The following FAM9A variants were observed in gnomAD, a reference collection of about 807,000 sequenced individuals.
The protein encoded by FAM9A is protein FAM9A.
A neutral mutation model predicts 25.0 loss-of-function variants in FAM9A; 49 were observed. The ratio of observed to expected loss-of-function variants is 1.96; its 90% CI spans 1.56 to 2.48. FAM9A has a LOEUF of 2.48. Among genes scored for constraint, FAM9A ranks in the 30% most tolerant of loss-of-function variants. The pLI, the probability that FAM9A is intolerant of heterozygous loss-of-function variation, is 0.00. For synonymous variants in FAM9A, 80 were observed against 85.1 expected, an observed-to-expected ratio of 0.94 and a Z score of 0.33; for missense variants, 266 against 249.3, an observed-to-expected ratio of 1.07 and a Z score of -0.45.
In FAM9A at chrX:8,795,394, C is replaced by T. The variant is rs757736241; in HGVS notation, c.515G>A (p.Arg172Gln). ...KRQKRDYRHT[R>Q]KLLNVLKEYI... The stretch of plus-strand genomic sequence containing the variant: ...TTCTTTAAGGACATTCAGCAACTTC[C>T]GAGTATGTCTATAATCACGTTTCTG... The change falls in exon 7 of 10, where the codon CGG (arginine) becomes CAG (glutamine). Residue 172 changes from arginine (R) to glutamine (Q), a missense_variant. Transcript: ENST00000381003. 8.2e-5 allele frequency: 98 copies of T among 1,198,951 alleles called. No individual in the cohort carries two copies. The highest frequency in any genetic ancestry group is 3.2e-4 in the Middle Eastern group (1 of 3,164).
chrX:8,799,072 G>A lies in FAM9A; in HGVS notation c.114C>T (p.Phe38=), dbSNP rs746088694. ...CGGGCTCCATGGTTGGCTGTCCTGG[G>A]AAGTTAGAGGCGATCCCTGAACCTG... ...TKEGSGIASN[F]PGQPTMEPVG... The change falls in exon 3 of 10, where the codon TTC becomes TTT. Residue 38 remains phenylalanine, a synonymous_variant. Transcript: ENST00000381003. 1.2e-5 allele frequency: 15 copies of A among 1,209,585 alleles called. No homozygotes were observed. The African/African-American group carries it at 2.4e-4, about 20-fold the overall frequency.
intron 3 of FAM9A, among the ~76,000 whole-genome samples, chrX:8,798,747 G>C (rs1933563061): frequency 8.9e-6 from 1 of 112,912 alleles, no homozygotes; most frequent in South Asian, 3.6e-4. Context: ...TGCTCTGCGA[G>C]CATCTGTAAC....
At chrX:8,792,285 G>A (rs2146937884) in intron 8 of FAM9A, among the ~76,000 whole-genome samples, 1 of 110,623 alleles carries the variant, frequency 9.0e-6, no homozygotes, top group African/African-American at 3.3e-5. Context: ...GAAGAGGGAA[G>A]GGCTAGGAAG....
Position 8,793,862 on chromosome X carries a change from A to C in FAM9A, c.832-106T>G. On this transcript the variant is annotated intron_variant, in intron 7 of 9. Coordinates refer to ENST00000381003, the MANE Select transcript of FAM9A (RefSeq NM_174951.3). ...AATACTCTTTAAATCTATACTTCTT[A>C]ACACTTTCTTTTAAACAATGTTTAT... The C allele has an allele frequency of 7.7e-6, 4 of 518,897 alleles. No homozygotes were observed. The South Asian group carries it at 1.4e-4, about 18-fold the overall frequency. The allele number at this position is 518,897 out of a possible 1,213,427, so 42.8% of individuals were successfully genotyped here. A position where few individuals can be genotyped will look rare whatever the true frequency, so the allele number is the denominator to read the frequency against.
At position 8,791,338 on chromosome X, in the gene FAM9A, G is replaced by A; in HGVS notation, c.972C>T (p.Ser324=). The change falls in exon 9 of 10, where the codon TCC becomes TCT. Residue 324 remains serine, a synonymous_variant. Transcript: ENST00000381003. ...AGTTATCAAGTTCACTTTCTTCACT[G>A]GAAGAAATGATGCAATAATTGTCTT... ...DTKDNYCIIS[S]SEESELDN 1 of 1,206,185 alleles carries A rather than the reference G, an allele frequency of 8.3e-7. No individual in the cohort carries two copies. The highest frequency in any genetic ancestry group is 1.1e-6 in the Non-Finnish European group (1 of 892,933).
At chrX:8,797,315 T>G (rs923175211) in intron 5 of FAM9A, among the ~76,000 whole-genome samples, 2 of 111,928 alleles carry the variant, frequency 1.8e-5, no homozygotes, top group Non-Finnish European at 3.8e-5. Context: ...TTCTCAATTT[T>G]TTTTTGAAAA....
At position 8,795,304 on chromosome X, in the gene FAM9A, T is replaced by TCTGCTG; in HGVS notation, c.599_604dup (p.Ala200_Ala201dup). The stretch of plus-strand genomic sequence containing the variant: ...TGCGGCTTCTGCTGCTGCTGCGGCT[T>TCTGCTG]CTGCTGCTGCTGCTGCGGCTTCTGC... On this transcript the variant is annotated inframe_insertion, in exon 7 of 10. Transcript: ENST00000381003. 1 of 1,203,420 alleles carries TCTGCTG rather than the reference T, an allele frequency of 8.3e-7. No homozygotes were observed. The highest frequency in any genetic ancestry group is 1.1e-6 in the Non-Finnish European group (1 of 892,324).
rs1038647437 is a variant in FAM9A, at chrX:8,791,050, C to A, written c.*154G>T. ...GATTTATACAACAATTATCAAAACA[C>A]TGTCATGTAGTTTACTGTAGCTCAA... On this transcript the variant is annotated 3_prime_UTR_variant, in exon 10 of 10. Transcript: ENST00000381003. 3 of 283,080 alleles carry A rather than the reference C, an allele frequency of 1.1e-5. No homozygotes were observed. The highest frequency in any genetic ancestry group is 5.9e-5 in the Admixed American group (1 of 16,956). The allele number at this position is 283,080 out of a possible 1,213,427, so 23.3% of individuals were successfully genotyped here. A position where few individuals can be genotyped will look rare whatever the true frequency, so the allele number is the denominator to read the frequency against.
Position 8,799,065 on chromosome X carries a change from G to A in FAM9A, c.121C>T (p.Gln41Ter), listed in dbSNP as rs1933568552. 8.3e-7 allele frequency: 1 copy of A among 1,211,391 alleles called. No individual in the cohort carries two copies. Among genetic ancestry groups the A allele is most frequent in the Non-Finnish European group, 1.1e-6 (1 of 895,013 alleles). Residue 41 changes from glutamine to a stop codon, truncating the protein, a stop_gained, in exon 3 of 10, where the codon CAG (glutamine) becomes TAG (stop). Coordinates refer to ENST00000381003, the MANE Select transcript of FAM9A (RefSeq NM_174951.3). LOFTEE classifies it high-confidence loss of function. The stretch of plus-strand genomic sequence containing the variant: ...CTGCCCACGGGCTCCATGGTTGGCT[G>A]TCCTGGGAAGTTAGAGGCGATCCCT... ...GSGIASNFPG[Q>*]PTMEPVGRKR... is the part of the protein sequence containing the mutation.
chrX:8,797,296 A>G (rs367881102), intron 5 of FAM9A, among the ~76,000 whole-genome samples: 5 of 111,825 alleles, frequency 4.5e-5, no homozygotes, highest in Admixed American at 2.9e-4. Context: ...CGCCGTCTCT[A>G]CAGAAATTTT....
At position 8,798,240 on chromosome X, in the gene FAM9A, T is replaced by C; in HGVS notation, c.342-59A>G. 3 of 1,200,651 alleles carry C rather than the reference T, an allele frequency of 2.5e-6. No individual in the cohort carries two copies. In the Admixed American group the frequency reaches 6.7e-5, roughly 27 times the overall value. The stretch of plus-strand genomic sequence containing the variant: ...ATGCTACACAAAATGCCATGTTTGT[T>C]GGGAAGATATGTCTTATGTGAAATG... On this transcript the variant is annotated intron_variant, in intron 4 of 9. Coordinates refer to ENST00000381003, the MANE Select transcript of FAM9A (RefSeq NM_174951.3).
At chrX:8,800,515 C>T (rs1207545028) in intron 1 of FAM9A, among the ~76,000 whole-genome samples, 1 of 110,395 alleles carries the variant, frequency 9.1e-6, no homozygotes, top group African/African-American at 3.3e-5. Context: ...CTGCGTGGCC[C>T]GGAGGACCAC....
intron 5 of FAM9A, among the ~76,000 whole-genome samples, chrX:8,797,348 C>T (rs1339632020): frequency 8.9e-6 from 1 of 111,733 alleles, no homozygotes; most frequent in Non-Finnish European, 1.9e-5. Context: ...ACAGTCAGTG[C>T]AACTAACAGT....
At chrX:8,796,974 T>A (rs1404248519) in intron 5 of FAM9A, among the ~76,000 whole-genome samples, 1 of 112,586 alleles carries the variant, frequency 8.9e-6, no homozygotes, top group East Asian at 2.8e-4. Flanking sequence ...GAGCTTTTTA[T>A]ATGACATTTT....
rs184031578 is a variant in FAM9A at position 8,795,423 on chromosome X, G to A, written c.489-3C>T. ...TATGTCTATAATCACGTTTCTGCCT[G>A]TAACACATAATAAGTAATACGGTCA... On this transcript the variant is annotated splice_polypyrimidine_tract_variant and splice_region_variant and intron_variant, in intron 6 of 9. Coordinates refer to ENST00000381003, the MANE Select transcript of FAM9A (RefSeq NM_174951.3). The A allele has an allele frequency of 6.9e-3, 8,142 of 1,181,120 alleles. 21 individuals carry two copies. Among genetic ancestry groups the A allele is most frequent in the Middle Eastern group, 1.0e-2 (30 of 3,012 alleles).
At position 8,791,276 on chromosome X, in the gene FAM9A, T is replaced by C; in HGVS notation, c.*31+4A>G. The C allele has an allele frequency of 3.5e-6, 4 of 1,140,065 alleles. No individual in the cohort carries two copies. Among genetic ancestry groups the C allele is most frequent in the Non-Finnish European group, 4.8e-6 (4 of 841,473 alleles). 94.0% of individuals were successfully genotyped at this position (1,140,065 alleles called of 1,213,427 possible). A position where few individuals can be genotyped will look rare whatever the true frequency, so the allele number is the denominator to read the frequency against. On this transcript the variant is annotated splice_donor_region_variant and intron_variant, in intron 9 of 9. Transcript: ENST00000381003. ...GTTTTTAAACTTAAATATGCACTACTTACAGTTCTGACACGATTCTTTTTA... is the reference window on the plus strand; with the variant it reads ...GTTTTTAAACTTAAATATGCACTACCTACAGTTCTGACACGATTCTTTTTA...
At chrX:8,797,512 T>C (rs779987753) in intron 5 of FAM9A, among the ~76,000 whole-genome samples, 54 of 111,939 alleles carry the variant, frequency 4.8e-4, no homozygotes, top group African/African-American at 1.7e-3. Context: ...TCTTGTACTT[T>C]AAAGAAAACA....
intron 1 of FAM9A, among the ~76,000 whole-genome samples, chrX:8,800,516 G>A (rs1933594747): frequency 9.1e-6 from 1 of 110,397 alleles, no homozygotes; most frequent in Admixed American, 9.5e-5. Context: ...TGCGTGGCCC[G>A]GAGGACCACG....
chrX:8,793,942 C>T (rs1202183508), intron 7 of FAM9A, among the ~76,000 whole-genome samples, 186 bp from the exon 8 acceptor site: 1 of 112,019 alleles, frequency 8.9e-6, no homozygotes, highest in Non-Finnish European at 1.9e-5. Context: ...ATATAATAAC[C>T]TTTTTCATCA....
Sources: allele counts gnomAD v4.1 joint callset (sites outside exome capture counted in the v4.1 genomes callset), GRCh38; gene constraint gnomAD v4.1.1; transcripts MANE v1.5; gene names NCBI Gene and HGNC (gene_info 2026-07-23, HGNC 2026-07-21).